CUX1: variants seen among roughly 807,000 people sequenced by gnomAD.
CUX1 encodes cut like homeobox 1.
CUX1 carries 31 observed loss-of-function variants against 158.8 expected under a neutral mutation model. That is an observed-to-expected ratio of 0.20 (90% CI 0.15 to 0.26). The LOEUF is 0.26. Ranked by LOEUF, CUX1 falls within the 10% of genes least tolerant of loss-of-function variation. CUX1 has a pLI of 1.00. For synonymous variants in CUX1, 879 were observed against 862.1 expected, an observed-to-expected ratio of 1.02 and a Z score of -0.34; for missense variants, 1,589 against 2,014.6, an observed-to-expected ratio of 0.79 and a Z score of 4.04.
At chr7:101,837,524 T>C (rs1026539833) in intron 1 of CUX1, among the ~76,000 whole-genome samples, 1 of 152,060 alleles carries the variant, frequency 6.6e-6, no homozygotes, top group Non-Finnish European at 1.5e-5. Flanking sequence ...AGTTGTTCTA[T>C]CATGTTAAAG....
intron 2 of CUX1, among the ~76,000 whole-genome samples, chr7:101,962,338 C>T (rs1484407141): frequency 5.9e-5 from 9 of 152,314 alleles, no homozygotes; most frequent in Non-Finnish European, 1.2e-4. Context: ...GTTGGCCCTA[C>T]GTGGAATCTC....
Position 102,249,457 on chromosome 7 carries a change from G to A in CUX1, c.*415G>A. 2 of 986,154 alleles carry A rather than the reference G, an allele frequency of 2.0e-6. No individual in the cohort carries two copies. The highest frequency in any genetic ancestry group is 2.4e-6 in the Non-Finnish European group (2 of 830,124). The allele number at this position is 986,154 out of a possible 1,614,324, so 61.1% of individuals were successfully genotyped here. Reference sequence around the variant, plus strand: ...TTCAAGGAAGAAAACGGAAATGTGTGGTCGAGCTTTTTTGTACCCTGAAGT... The same window carrying A: ...TTCAAGGAAGAAAACGGAAATGTGTAGTCGAGCTTTTTTGTACCCTGAAGT... On this transcript the variant is annotated 3_prime_UTR_variant, in exon 24 of 24. Transcript: ENST00000292535.
chr7:101,997,010 CCGG>C (rs1816005292), intron 2 of CUX1, among the ~76,000 whole-genome samples: 1 of 152,132 alleles, frequency 6.6e-6, no homozygotes, highest in African/African-American at 2.4e-5. Flanking sequence ...CGTGTGCACT[CCGG>C]CCCAGCCTTC....
chr7:101,959,992 A>G (rs1041926963), intron 2 of CUX1: 3 of 152,230 alleles, frequency 2.0e-5, no homozygotes, highest in Non-Finnish European at 4.4e-5. Context: ...GATGCCTCAC[A>G]TTGGCACGGT....
At chr7:102,046,367 G>C (rs1041194863) in intron 3 of CUX1, among the ~76,000 whole-genome samples, 2 of 152,100 alleles carry the variant, frequency 1.3e-5, no homozygotes, top group African/African-American at 4.8e-5. Flanking sequence ...GAAGTAGCTG[G>C]GATTACAGGC....
intron 3 of CUX1, among the ~76,000 whole-genome samples, chr7:102,034,312 T>G (rs1821164071): frequency 6.6e-6 from 1 of 151,996 alleles, no homozygotes; most frequent in South Asian, 2.1e-4. Context: ...ATTAGCAGAT[T>G]AAAGGAGGAA....
At chr7:102,205,010 C>G (rs951440692) in intron 19 of CUX1, 104 bp from the exon 20 acceptor site, 6 of 817,630 alleles carry the variant, frequency 7.3e-6, no homozygotes, top group Admixed American at 4.2e-5. Context: ...CCGCCCCTCC[C>G]CAGGAGGAAT....
At position 102,248,773 on chromosome 7, in the gene CUX1, C is replaced by G. The variant is rs1461876100; in HGVS notation, c.4249C>G (p.Pro1417Ala). 2.9e-6 allele frequency: 3 copies of G among 1,042,818 alleles called. No individual in the cohort carries two copies. In the African/African-American group the frequency reaches 5.2e-5, roughly 18 times the overall value. The allele number at this position is 1,042,818 out of a possible 1,614,324, so 64.6% of individuals were successfully genotyped here. ...GACCGCCACCGCCGCGCCCGCGGCC[C>G]CCGAGGACGCCGCTACCTCAGCCGC... ...SATATAAPAA[P>A]EDAATSAAAA... Residue 1417 changes from proline to alanine, a missense_variant, in exon 24 of 24, where the codon CCC becomes GCC. This residue lies in a region of CUX1 where 344 missense variants were observed against 323.7 expected (regional missense o/e 1.06). Coordinates refer to ENST00000292535, the MANE Select transcript of CUX1 (RefSeq NM_181552.4). This position sits in a 1 kb window ranked among gnomAD's most constrained non-coding sequence, Gnocchi z 5.8.
chr7:101,914,249 T>C (rs1178025054), intron 1 of CUX1, among the ~76,000 whole-genome samples: 1 of 152,178 alleles, frequency 6.6e-6, no homozygotes, highest in Admixed American at 6.5e-5. Flanking sequence ...GAGTGTGGTG[T>C]GGTGGTATCT....
chr7:102,146,053 T>G (rs1250156438), intron 8 of CUX1, among the ~76,000 whole-genome samples: 1 of 152,180 alleles, frequency 6.6e-6, no homozygotes, highest in Non-Finnish European at 1.5e-5. Flanking sequence ...ATTTTCCTAA[T>G]TTCACTTGAT....
chr7:102,065,533 T>A (rs1825448244), intron 3 of CUX1, among the ~76,000 whole-genome samples: 2 of 152,188 alleles, frequency 1.3e-5, no homozygotes, highest in Non-Finnish European at 2.9e-5. Flanking sequence ...GGGGACTTTA[T>A]CATTTAGAAA....
chr7:102,264,180 A>G (rs1479660523), intron 14 of CUX1, among the ~76,000 whole-genome samples: 7 of 147,770 alleles, frequency 4.7e-5, no homozygotes, highest in Non-Finnish European at 8.9e-5. Flanking sequence ...TAATTTTTGT[A>G]TTTTTAGTAG....
intron 1 of CUX1, among the ~76,000 whole-genome samples, chr7:101,837,803 C>T (rs1239798840): frequency 7.8e-6 from 1 of 127,908 alleles, no homozygotes; most frequent in Non-Finnish European, 1.5e-5. Flanking sequence ...TGCATTCCAG[C>T]CTGGGTGACA....
intron 2 of CUX1, among the ~76,000 whole-genome samples, chr7:101,954,907 CAT>C (rs1809569740): frequency 6.6e-6 from 1 of 152,030 alleles, no homozygotes; most frequent in Admixed American, 6.6e-5. Context: ...CATGGTGGCT[CAT>C]GTGTGTAATC....
intron 1 of CUX1, among the ~76,000 whole-genome samples, chr7:101,856,468 G>A (rs999159217): frequency 6.6e-6 from 1 of 152,166 alleles, no homozygotes; most frequent in Non-Finnish European, 1.5e-5. Context: ...GGTAGATAAT[G>A]GAAGACGAAG....
chr7:101,860,733 C>CT (rs1797352637), intron 1 of CUX1, among the ~76,000 whole-genome samples: 8 of 144,030 alleles, frequency 5.6e-5, no homozygotes, highest in African/African-American at 1.0e-4. Flanking sequence ...TCTCCCCTTC[C>CT]TCCCTTCCTT....
Position 102,249,008 on chromosome 7 carries a change from C to T in CUX1, c.4484C>T (p.Ala1495Val). Residue 1495 changes from alanine (A) to valine (V), a missense_variant, in exon 24 of 24, where the codon GCC becomes GTC. Ala to Val is a moderately conservative substitution (Grantham distance 64). This residue lies in a region of CUX1 where 344 missense variants were observed against 323.7 expected (regional missense o/e 1.06). Transcript: ENST00000292535. ...ATCATCCACCGCCTGGAGAAGGCCGCCAGCCGGGAGGAACCTATCGAATGG... is the reference window on the plus strand; with the variant it reads ...ATCATCCACCGCCTGGAGAAGGCCGTCAGCCGGGAGGAACCTATCGAATGG... ...NSIIHRLEKAASREEPIEWEF is the reference protein window; with the variant it reads ...NSIIHRLEKAVSREEPIEWEF 7.1e-7 allele frequency: 1 copy of T among 1,401,258 alleles called. No homozygotes were observed. 86.8% of individuals were successfully genotyped at this position (1,401,258 alleles called of 1,614,324 possible). A position where few individuals can be genotyped will look rare whatever the true frequency, so the allele number is the denominator to read the frequency against.
rs116656827 is a variant in CUX1 at position 101,932,300 on chromosome 7, G to A, written c.141+16075G>A. On this transcript the variant is annotated intron_variant, in intron 2 of 23. Transcript: ENST00000292535. ...TTTGGTTTGTCTGAAATATGGGGCC[G>A]GCGTCAGCCTATTTCCCTGGGGTCA... 8.2e-3 allele frequency: 1,589 copies of A among 194,048 alleles called. 27 individuals are homozygous for A. Among genetic ancestry groups the A allele is most frequent in the African/African-American group, 0.034 (1,452 of 42,844 alleles). The allele number at this position is 194,048 out of a possible 1,614,324, so 12.0% of individuals were successfully genotyped here. A position where few individuals can be genotyped will look rare whatever the true frequency, so the allele number is the denominator to read the frequency against.
chr7:102,255,255 C>T lies in CUX1; in HGVS notation c.*6213C>T. On this transcript the variant is annotated 3_prime_UTR_variant, in exon 24 of 24. Transcript: ENST00000292535. Reference sequence around the variant, plus strand: ...CCTCCAAAGATAACCGTGTCCATGCCATCCGTGGCATCATCTCGAGTTTTC... The same window carrying T: ...CCTCCAAAGATAACCGTGTCCATGCTATCCGTGGCATCATCTCGAGTTTTC... The T allele has an allele frequency of 1.0e-6, 1 of 985,416 alleles. No homozygotes were observed. The highest frequency in any genetic ancestry group is 1.2e-6 in the Non-Finnish European group (1 of 829,934). 61.0% of individuals were successfully genotyped at this position (985,416 alleles called of 1,614,324 possible). A position where few individuals can be genotyped will look rare whatever the true frequency, so the allele number is the denominator to read the frequency against.
Sources: gnomAD v4.1 joint callset for allele counts (sites outside exome capture counted in the v4.1 genomes callset) on GRCh38, gnomAD v4.1.1 for gene constraint, gnomAD v4.1.1 regional missense constraint, Gnocchi (gnomAD v3.1) non-coding constraint, MANE v1.5 for transcripts, NCBI Gene and HGNC (gene_info 2026-07-23, HGNC 2026-07-21) for gene names.